Variants in TLE4 observed in about 807,000 individuals in gnomAD.
TLE4 encodes transducin-like enhancer protein 4.
In TLE4, 8 loss-of-function variants were observed where a neutral mutation model predicts 92.8. That is an observed-to-expected ratio of 0.09 (90% CI 0.05 to 0.16). The LOEUF is 0.16. Ranked by LOEUF, TLE4 falls within the 10% of genes least tolerant of loss-of-function variation. The pLI is 1.00. For synonymous variants in TLE4, 371 were observed against 374.1 expected, an observed-to-expected ratio of 0.99 and a Z score of 0.10; for missense variants, 675 against 997.6, an observed-to-expected ratio of 0.68 and a Z score of 4.36.
intron 4 of TLE4, among the ~76,000 whole-genome samples, chr9:79,598,180 C>T (rs979877789): frequency 2.1e-5 from 3 of 141,256 alleles, no homozygotes; most frequent in African/African-American, 8.0e-5. Context: ...ACCCAGGGGG[C>T]GGAGGTTGCT....
chr9:79,695,817 G>A (rs928970928), intron 8 of TLE4, among the ~76,000 whole-genome samples: 1 of 152,228 alleles, frequency 6.6e-6, no homozygotes, highest in Non-Finnish European at 1.5e-5. Flanking sequence ...AGCCACTCAG[G>A]CTGGGAAAGA....
chr9:79,632,389 C>T lies in TLE4; in HGVS notation c.390+4941C>T, dbSNP rs114790237. Among the ~76,000 whole-genome samples, 1,104 of 152,284 alleles carry T rather than the reference C, an allele frequency of 7.2e-3. 14 individuals are homozygous for T. The highest frequency in any genetic ancestry group is 0.024 in the African/African-American group (1,016 of 41,560). Reference sequence around the variant, plus strand: ...TGTTTATTTTGAGTTTTCCCCCTTCCGTGGTTCACTATTCATAGGCCCGTA... The same window carrying T: ...TGTTTATTTTGAGTTTTCCCCCTTCTGTGGTTCACTATTCATAGGCCCGTA... On this transcript the variant is annotated intron_variant, in intron 6 of 19. Transcript: ENST00000376552.
In TLE4 at chr9:79,654,084, C is replaced by T; in HGVS notation, c.609+9C>T. On this transcript the variant is annotated intron_variant, in intron 8 of 19. Transcript: ENST00000376552. ...ACAGAGACTCCATCAAGGTAGGACTCAAAATTTACAGACTAAGGAATGGCT... is the reference window on the plus strand; with the variant it reads ...ACAGAGACTCCATCAAGGTAGGACTTAAAATTTACAGACTAAGGAATGGCT... 6.2e-7 allele frequency: 1 copy of T among 1,612,866 alleles called. No homozygotes were observed. Among genetic ancestry groups the T allele is most frequent in the Non-Finnish European group, 8.5e-7 (1 of 1,179,164 alleles).
At chr9:79,653,930 C>T (rs1238834222) in intron 7 of TLE4, 129 bp from the exon 8 acceptor site, 1 of 1,061,490 alleles carries the variant, frequency 9.4e-7, no homozygotes, top group East Asian at 2.4e-5. Flanking sequence ...CAGTTGACAT[C>T]TGTGTAATTT....
At chr9:79,722,910 C>A in intron 18 of TLE4, 49 bp from the exon 19 acceptor site, 1 of 1,555,878 alleles carries the variant, frequency 6.4e-7, no homozygotes, top group Non-Finnish European at 8.8e-7. Context: ...ATCTTGGTGT[C>A]TGACAGAGTA....
chr9:79,631,548 G>A (rs2054196710), intron 6 of TLE4, among the ~76,000 whole-genome samples: 1 of 151,276 alleles, frequency 6.6e-6, no homozygotes, highest in Non-Finnish European at 1.5e-5. Context: ...AAAAAAGAAA[G>A]ACAATACCTT....
intron 8 of TLE4, among the ~76,000 whole-genome samples, chr9:79,681,859 T>TGC (rs769372464): frequency 8.9e-5 from 13 of 145,874 alleles, no homozygotes; most frequent in African/African-American, 3.5e-4. Flanking sequence ...TGTGTGTGTG[T>TGC]GTGTATGTGT....
intron 14 of TLE4, among the ~76,000 whole-genome samples, chr9:79,712,071 CAAG>C (rs907484707): frequency 6.6e-6 from 1 of 152,172 alleles, no homozygotes; most frequent in Non-Finnish European, 1.5e-5. Context: ...CCCTCCTCAA[CAAG>C]AAGGATGTGA....
chr9:79,661,908 A>G (rs1047441880), intron 8 of TLE4, among the ~76,000 whole-genome samples: 15 of 152,164 alleles, frequency 9.9e-5, no homozygotes, highest in Non-Finnish European at 4.4e-5. Context: ...ATTGGTGGTT[A>G]AGTACCCTCC....
intron 15 of TLE4, among the ~76,000 whole-genome samples, chr9:79,719,394 T>C (rs755610366): frequency 6.6e-6 from 1 of 151,586 alleles, no homozygotes; most frequent in Non-Finnish European, 1.5e-5. Context: ...CCTTAGGAAA[T>C]GTCAGTTTAG....
intron 7 of TLE4, 50 bp downstream of exon 7, chr9:79,652,844 A>T (rs1215660192): frequency 6.4e-7 from 1 of 1,563,220 alleles, no homozygotes; most frequent in South Asian, 1.1e-5. Context: ...CTTGCTGCTG[A>T]GGGTAGGTTC....
intron 6 of TLE4, chr9:79,627,764 T>C (rs2053014317): frequency 3.6e-6 from 1 of 279,900 alleles, no homozygotes; most frequent in Non-Finnish European, 6.8e-6. Context: ...AGATATAGAT[T>C]GCCCTGACGT....
chr9:79,582,618 TTG>T (rs2039971232), intron 4 of TLE4, among the ~76,000 whole-genome samples: 1 of 151,832 alleles, frequency 6.6e-6, no homozygotes, highest in Admixed American at 6.6e-5. Flanking sequence ...TATAAGTTAT[TTG>T]TGTTTGTTTT....
At chr9:79,618,709 A>G (rs1186624438) in intron 5 of TLE4, among the ~76,000 whole-genome samples, 1 of 152,290 alleles carries the variant, frequency 6.6e-6, no homozygotes, top group East Asian at 1.9e-4. Context: ...AGCTGCTCAG[A>G]GGCTGATGGA....
intron 6 of TLE4, chr9:79,649,738 G>A: frequency 1.7e-6 from 2 of 1,204,332 alleles, no homozygotes; most frequent in Non-Finnish European, 2.2e-6. Context: ...TACTGTGAAT[G>A]TCATGTATAA....
intron 13 of TLE4, among the ~76,000 whole-genome samples, chr9:79,709,267 A>G (rs541364522): frequency 1.3e-5 from 2 of 152,050 alleles, no homozygotes; most frequent in Non-Finnish European, 1.5e-5. Context: ...TTTTTATTTT[A>G]TATGTCTTTT....
intron 8 of TLE4, among the ~76,000 whole-genome samples, chr9:79,676,983 T>C (rs1236034101): frequency 6.6e-6 from 1 of 152,150 alleles, no homozygotes; most frequent in Non-Finnish European, 1.5e-5. Context: ...TCCATGGTTT[T>C]AGCCATGAAT....
intron 3 of TLE4, 27 bp downstream of exon 3, chr9:79,574,963 A>G (rs773537753): frequency 2.5e-6 from 4 of 1,599,752 alleles, no homozygotes; most frequent in African/African-American, 1.3e-5. Context: ...ACAGATTCAA[A>G]GTGCCTATTA....
intron 4 of TLE4, among the ~76,000 whole-genome samples, chr9:79,589,776 G>A (rs1467846856): frequency 6.6e-6 from 1 of 152,070 alleles, no homozygotes; most frequent in South Asian, 2.1e-4. Flanking sequence ...ATGATAGACC[G>A]GGCTGCCTGA....
Sources: gnomAD v4.1 joint callset for allele counts (sites outside exome capture counted in the v4.1 genomes callset) on GRCh38, gnomAD v4.1.1 for gene constraint, MANE v1.5 for transcripts, NCBI Gene and HGNC (gene_info 2026-07-23, HGNC 2026-07-21) for gene names.